The following JAKMIP2 variants were observed in gnomAD, a reference collection of about 807,000 sequenced individuals.
JAKMIP2 encodes the protein janus kinase and microtubule-interacting protein 2.
A neutral mutation model predicts 115.0 loss-of-function variants in JAKMIP2; 25 were observed. The ratio of observed to expected loss-of-function variants is 0.22; its 90% CI spans 0.16 to 0.30. JAKMIP2 has a LOEUF of 0.30. Ranked by LOEUF, JAKMIP2 falls within the 10% of genes least tolerant of loss-of-function variation. JAKMIP2 has a pLI of 1.00. For synonymous variants in JAKMIP2, 334 were observed against 343.6 expected (o/e 0.97, Z 0.31); for missense variants, 642 against 957.6 (o/e 0.67, Z 4.35).
At chr5:147,612,032 G>A (rs1430618128) in intron 20 of JAKMIP2, 1 of 588,204 alleles carries the variant, frequency 1.7e-6, no homozygotes, top group African/African-American at 1.8e-5. Flanking sequence ...TTTTGGAAAG[G>A]AAATGAAGAT....
At chr5:147,772,490 C>T (rs532043966) in intron 1 of JAKMIP2, among the ~76,000 whole-genome samples, 2 of 150,456 alleles carry the variant, frequency 1.3e-5, no homozygotes, top group East Asian at 3.9e-4. Flanking sequence ...AGAATACCCA[C>T]AGTTCAACTC....
At chr5:147,715,843 T>C (rs1363377669) in intron 1 of JAKMIP2, among the ~76,000 whole-genome samples, 4 of 132,792 alleles carry the variant, frequency 3.0e-5, no homozygotes, top group African/African-American at 1.3e-4. Flanking sequence ...CCAATTTACT[T>C]TCTTTTTTTT....
intron 1 of JAKMIP2, among the ~76,000 whole-genome samples, chr5:147,694,235 AC>A: frequency 6.6e-6 from 1 of 151,832 alleles, no homozygotes; most frequent in East Asian, 1.9e-4. Context: ...TTTAGAAAAA[AC>A]CCCTTTAATG....
chr5:147,758,939 A>G (rs1754838734), intron 1 of JAKMIP2, among the ~76,000 whole-genome samples: 1 of 152,212 alleles, frequency 6.6e-6, no homozygotes, highest in South Asian at 2.1e-4. Context: ...AAGGGACATT[A>G]GTCCCTCTAT....
chr5:147,719,585 C>T (rs2065741798), intron 1 of JAKMIP2, among the ~76,000 whole-genome samples: 1 of 152,102 alleles, frequency 6.6e-6, no homozygotes, highest in South Asian at 2.1e-4. Context: ...TTGAATTGAT[C>T]CCTTTACCAT....
At chr5:147,652,422 G>A (rs909650042) in intron 3 of JAKMIP2, among the ~76,000 whole-genome samples, 1 of 152,152 alleles carries the variant, frequency 6.6e-6, no homozygotes, top group African/African-American at 2.4e-5. Flanking sequence ...CATGGACTCT[G>A]ATCTCAAAAT....
intron 16 of JAKMIP2, 137 bp downstream of exon 16, chr5:147,628,614 C>G: frequency 1.8e-6 from 1 of 564,984 alleles, no homozygotes; most frequent in Non-Finnish European, 3.1e-6. Context: ...CTGGGTTGTA[C>G]TACCCTTAAA....
chr5:147,744,024 TTCCTTCC>T (rs1445460919), intron 1 of JAKMIP2, among the ~76,000 whole-genome samples: 96 of 139,832 alleles, frequency 6.9e-4, no homozygotes, highest in African/African-American at 2.7e-3. Flanking sequence ...CCTTCCTTCC[TTCCTTCC>T]TTCCTTCCTT....
intron 1 of JAKMIP2, among the ~76,000 whole-genome samples, chr5:147,748,020 C>T (rs1349937495): frequency 6.6e-6 from 1 of 152,150 alleles, no homozygotes; most frequent in Non-Finnish European, 1.5e-5. Context: ...TAATTGGGAA[C>T]ATTGACTGAA....
At chr5:147,593,675 C>A (rs1349199666) in intron 21 of JAKMIP2, among the ~76,000 whole-genome samples, 3 of 152,030 alleles carry the variant, frequency 2.0e-5, no homozygotes, top group African/African-American at 7.2e-5. Context: ...AGTTGGGGGA[C>A]CAACCTAATA....
rs777589742 is a variant in JAKMIP2 at position 147,640,807 on chromosome 5, G to A, written c.1298C>T (p.Pro433Leu). 12 of 1,612,982 alleles carry A rather than the reference G, an allele frequency of 7.4e-6. No individual in the cohort carries two copies. The highest frequency in any genetic ancestry group is 1.7e-4 in the Middle Eastern group (1 of 5,930). ...AGAGTCCTCATCATAGCCAATAAAC[G>A]GGTCCAAAACAGGCCTCTAAATGGA... ...SKPIKRPVLD[P>L]FIGYDEDSMD... The change falls in exon 9 of 22, where the codon CCG becomes CTG. Residue 433 changes from proline to leucine, a missense_variant. This residue lies in a region of JAKMIP2 where 439 missense variants were observed against 570.9 expected (regional missense o/e 0.77). Coordinates refer to ENST00000616793, the MANE Select transcript of JAKMIP2 (RefSeq NM_001270941.2).
At chr5:147,675,487 T>A (rs1440857957) in intron 1 of JAKMIP2, among the ~76,000 whole-genome samples, 2 of 151,762 alleles carry the variant, frequency 1.3e-5, no homozygotes, top group East Asian at 3.9e-4. Flanking sequence ...TTTTTTTTTA[T>A]TTTCACAGCT....
In JAKMIP2 at chr5:147,593,227, C is replaced by T. The variant is rs574738575; in HGVS notation, c.*21-1541G>A. ...AGCAAAAAGCTGTGGGTTGCACCAC[C>T]AACGAAGGGAGCCAGTGAGGCAGTG... On this transcript the variant is annotated intron_variant, in intron 21 of 21. Coordinates refer to ENST00000616793, the MANE Select transcript of JAKMIP2 (RefSeq NM_001270941.2). Among the ~76,000 whole-genome samples, 13 of 152,320 alleles carry T rather than the reference C, an allele frequency of 8.5e-5. No homozygotes were observed. In the South Asian group the frequency reaches 2.5e-3, roughly 29 times the overall value.
intron 1 of JAKMIP2, among the ~76,000 whole-genome samples, chr5:147,740,086 A>C (rs954156038): frequency 2.0e-5 from 3 of 152,258 alleles, no homozygotes; most frequent in Non-Finnish European, 4.4e-5. Flanking sequence ...CTTGCTGGAC[A>C]CAAGACCCTT....
chr5:147,606,369 A>G (rs1756014780), intron 20 of JAKMIP2, among the ~76,000 whole-genome samples: 1 of 152,310 alleles, frequency 6.6e-6, no homozygotes, highest in South Asian at 2.1e-4. Flanking sequence ...ATAAGGTGTA[A>G]GGAAGGGGTC....
At chr5:147,766,073 C>T (rs1755144969) in intron 1 of JAKMIP2, among the ~76,000 whole-genome samples, 1 of 152,128 alleles carries the variant, frequency 6.6e-6, no homozygotes, top group Non-Finnish European at 1.5e-5. Flanking sequence ...ATCTGCTATT[C>T]CCTCACCCAA....
intron 1 of JAKMIP2, among the ~76,000 whole-genome samples, chr5:147,773,437 T>C (rs1379253503): frequency 6.8e-6 from 1 of 146,514 alleles, no homozygotes; most frequent in African/African-American, 2.6e-5. Context: ...ACAAAATAAA[T>C]GTAGACAGTT....
chr5:147,641,428 T>G (rs1757874848), intron 8 of JAKMIP2, among the ~76,000 whole-genome samples: 3 of 152,208 alleles, frequency 2.0e-5, no homozygotes, highest in African/African-American at 7.2e-5. Context: ...ACTCTCCAAC[T>G]TGTCAGGTAA....
At chr5:147,757,850 A>G (rs1754802146) in intron 1 of JAKMIP2, among the ~76,000 whole-genome samples, 1 of 152,182 alleles carries the variant, frequency 6.6e-6, no homozygotes, top group Non-Finnish European at 1.5e-5. Flanking sequence ...TGATAGAAAT[A>G]TGATGAAAAA....
Sources: gnomAD v4.1 joint callset for allele counts (sites outside exome capture counted in the v4.1 genomes callset) on GRCh38, gnomAD v4.1.1 for gene constraint, gnomAD v4.1.1 regional missense constraint, MANE v1.5 for transcripts, NCBI Gene and HGNC (gene_info 2026-07-23, HGNC 2026-07-21) for gene names.